Variants in MYO1D observed in about 807,000 individuals in gnomAD.
MYO1D encodes unconventional myosin-Id.
A neutral mutation model predicts 122.0 loss-of-function variants in MYO1D; 83 were observed. The observed-to-expected ratio is 0.68, with a 90% CI of 0.57 to 0.82. MYO1D has a LOEUF of 0.82. Among genes scored for constraint, MYO1D ranks in the 40% least tolerant of loss-of-function variants. The probability of loss-of-function intolerance (pLI) is 0.00; values close to 1 mark genes in which losing one functional copy is unlikely to be tolerated. For synonymous variants in MYO1D, 464 were observed against 446.9 expected (o/e 1.04, Z -0.48); for missense variants, 1,157 against 1,269.5 (o/e 0.91, Z 1.35).
intron 21 of MYO1D, among the ~76,000 whole-genome samples, chr17:32,597,025 C>T (rs1247624178): frequency 4.6e-5 from 7 of 152,214 alleles, no homozygotes; most frequent in Non-Finnish European, 4.4e-5. Flanking sequence ...GTGATATATA[C>T]AACAAGACCA....
chr17:32,873,416 G>T (rs2091200609), intron 1 of MYO1D, among the ~76,000 whole-genome samples: 1 of 152,144 alleles, frequency 6.6e-6, no homozygotes, highest in Admixed American at 6.5e-5. Context: ...GGAGTCATGA[G>T]GTACAAGCAC....
intron 1 of MYO1D, 137 bp downstream of exon 1, chr17:32,876,641 C>G (rs1211405881): frequency 1.8e-4 from 115 of 632,326 alleles, no homozygotes; most frequent in Non-Finnish European, 2.7e-4. Flanking sequence ...GGCAGACCCC[C>G]GGACACCGCA....
At chr17:32,544,224 T>TAC (rs1438730597) in intron 21 of MYO1D, among the ~76,000 whole-genome samples, 7 of 150,264 alleles carry the variant, frequency 4.7e-5, no homozygotes, top group Non-Finnish European at 7.4e-5. Context: ...GCCTCCCAAG[T>TAC]AGCTGAGACT....
At chr17:32,798,383 A>C (rs2090435558) in intron 1 of MYO1D, among the ~76,000 whole-genome samples, 1 of 152,094 alleles carries the variant, frequency 6.6e-6, no homozygotes. Flanking sequence ...TATACTTCCT[A>C]TATCTGGCAT....
intron 6 of MYO1D, among the ~76,000 whole-genome samples, chr17:32,769,572 A>T (rs934318739): frequency 6.6e-6 from 1 of 152,030 alleles, no homozygotes; most frequent in African/African-American, 2.4e-5. Context: ...TAGTTATAAA[A>T]ATTATTATAT....
intron 21 of MYO1D, among the ~76,000 whole-genome samples, chr17:32,599,245 C>T (rs541563876): frequency 1.1e-4 from 16 of 152,292 alleles, no homozygotes; most frequent in Non-Finnish European, 1.3e-4. Flanking sequence ...ATTTCAACAA[C>T]GTTAACAGCA....
intron 2 of MYO1D, among the ~76,000 whole-genome samples, chr17:32,780,040 T>C (rs1387147995): frequency 6.6e-6 from 1 of 152,096 alleles, no homozygotes; most frequent in Non-Finnish European, 1.5e-5. Flanking sequence ...GTAGGCAGTT[T>C]GGCTCCAGTC....
intron 16 of MYO1D, among the ~76,000 whole-genome samples, chr17:32,696,611 C>T (rs1247809862): frequency 1.3e-5 from 2 of 152,090 alleles, no homozygotes; most frequent in Admixed American, 1.3e-4. Flanking sequence ...ATTTATATAC[C>T]TGTTATAAAA....
At chr17:32,638,438 A>G (rs2088137901) in intron 20 of MYO1D, among the ~76,000 whole-genome samples, 2 of 152,242 alleles carry the variant, frequency 1.3e-5, no homozygotes, top group Admixed American at 1.3e-4. Context: ...AAATAAGAAA[A>G]TGCATTATAC....
chr17:32,807,887 C>T (rs1277101213), intron 1 of MYO1D, among the ~76,000 whole-genome samples: 2 of 152,182 alleles, frequency 1.3e-5, no homozygotes, highest in Non-Finnish European at 2.9e-5. Context: ...AACCCTTTCA[C>T]ATTACCATAT....
In MYO1D at chr17:32,605,158, G is replaced by A. The variant is rs115981197; in HGVS notation, c.2793C>T (p.Leu931=). The change falls in exon 21 of 22, where the codon CTC becomes CTT. Residue 931 remains leucine, a synonymous_variant. Coordinates refer to ENST00000318217, the MANE Select transcript of MYO1D (RefSeq NM_015194.3). Reference sequence around the variant, plus strand: ...TCTCATGGGTTGGCTGTTTGCTGAAGAGGCAGACAATGAGGTCTTTGTTGT... The same window carrying A: ...TCTCATGGGTTGGCTGTTTGCTGAAAAGGCAGACAATGAGGTCTTTGTTGT... ...TKDNKDLIVC[L]FSKQPTHESR... The A allele has an allele frequency of 5.6e-4, 904 of 1,610,546 alleles. 1 individual carries two copies. The African/African-American group carries it at 0.011, about 20-fold the overall frequency.
chr17:32,795,877 C>T (rs1382820313), intron 1 of MYO1D, among the ~76,000 whole-genome samples: 4 of 150,136 alleles, frequency 2.7e-5, no homozygotes. Context: ...CCCGTCCTCA[C>T]TTGGTGCTGA....
chr17:32,741,083 C>T (rs2089766684), intron 13 of MYO1D, among the ~76,000 whole-genome samples: 1 of 151,750 alleles, frequency 6.6e-6, no homozygotes, highest in Admixed American at 6.6e-5. Flanking sequence ...AATTATATTG[C>T]TGGGTGTAGT....
At chr17:32,793,875 A>T (rs2090385052) in intron 1 of MYO1D, among the ~76,000 whole-genome samples, 3 of 152,228 alleles carry the variant, frequency 2.0e-5, no homozygotes, top group African/African-American at 7.2e-5. Flanking sequence ...GATTGTTACA[A>T]GAAGTGAGAT....
At chr17:32,688,728 G>A (rs1420545543) in intron 16 of MYO1D, among the ~76,000 whole-genome samples, 2 of 152,172 alleles carry the variant, frequency 1.3e-5, no homozygotes, top group Non-Finnish European at 2.9e-5. Context: ...GGTGATTGAA[G>A]GGTTTTTGAA....
chr17:32,716,128 G>A (rs2089442025), intron 15 of MYO1D, among the ~76,000 whole-genome samples: 1 of 152,114 alleles, frequency 6.6e-6, no homozygotes, highest in South Asian at 2.1e-4. Flanking sequence ...ACTTCTTTGG[G>A]GTTCTGTAAT....
intron 21 of MYO1D, among the ~76,000 whole-genome samples, chr17:32,588,944 A>T (rs1018638616): frequency 6.9e-6 from 1 of 144,736 alleles, no homozygotes; most frequent in Non-Finnish European, 1.5e-5. Context: ...TTTTGCCTCA[A>T]AAAACAAACA....
intron 2 of MYO1D, among the ~76,000 whole-genome samples, chr17:32,780,072 C>A (rs902157049): frequency 6.6e-6 from 1 of 152,126 alleles, no homozygotes. Context: ...GAGGTGTGTA[C>A]CCTATCTCGT....
intron 1 of MYO1D, among the ~76,000 whole-genome samples, chr17:32,801,916 C>T (rs1303419747): frequency 4.6e-5 from 7 of 152,230 alleles, no homozygotes; most frequent in Non-Finnish European, 1.5e-5. Flanking sequence ...GAATGACAGA[C>T]ATGTCCAAAG....
Sources: allele counts gnomAD v4.1 joint callset (sites outside exome capture counted in the v4.1 genomes callset), GRCh38; gene constraint gnomAD v4.1.1; transcripts MANE v1.5; gene names NCBI Gene and HGNC (gene_info 2026-07-23, HGNC 2026-07-21).